Variants in EDA observed in about 807,000 individuals in gnomAD.
EDA encodes the protein ectodysplasin-A.
A neutral mutation model predicts 23.6 loss-of-function variants in EDA; 2 were observed. That is an observed-to-expected ratio of 0.08 (90% CI 0.03 to 0.27). The LOEUF is 0.27. EDA is among the 10% of genes least tolerant of loss of function. The pLI is 1.00. For missense variants in EDA, 229 were observed against 324.2 expected (o/e 0.71, Z 2.26); for synonymous variants, 131 against 132.0 (o/e 0.99, Z 0.05).
intron 1 of EDA, among the ~76,000 whole-genome samples, chrX:69,940,526 TA>T (rs758866428): frequency 9.0e-6 from 1 of 111,229 alleles, no homozygotes; most frequent in Non-Finnish European, 1.9e-5. Context: ...TATCTTTTGA[TA>T]AAAAAACTTT....
intron 1 of EDA, among the ~76,000 whole-genome samples, chrX:69,931,222 A>G (rs952020421): frequency 1.8e-5 from 2 of 112,106 alleles, no homozygotes; most frequent in Non-Finnish European, 3.8e-5. Context: ...ATGATCTGCA[A>G]CAAAAGTGTG....
chrX:69,963,384 T>C (rs768770464), intron 2 of EDA, among the ~76,000 whole-genome samples: 25 of 111,639 alleles, frequency 2.2e-4, no homozygotes, highest in Admixed American at 3.8e-4. Context: ...TAAAATCATT[T>C]TGAGAGCGAT....
chrX:69,831,572 C>G (rs2016611133), intron 1 of EDA, among the ~76,000 whole-genome samples: 1 of 112,303 alleles, frequency 8.9e-6, no homozygotes, highest in Non-Finnish European at 1.9e-5. Context: ...GGTATACACC[C>G]AGTAATGGGA....
At chrX:69,699,768 G>C (rs1160063497) in intron 1 of EDA, among the ~76,000 whole-genome samples, 2 of 110,573 alleles carry the variant, frequency 1.8e-5, no homozygotes, top group Non-Finnish European at 3.8e-5. Context: ...CGGGGGCTGA[G>C]AGCCTTACGG....
intron 1 of EDA, among the ~76,000 whole-genome samples, chrX:69,701,046 A>G (rs1381315120): frequency 3.6e-5 from 4 of 111,657 alleles, no homozygotes; most frequent in Non-Finnish European, 7.5e-5. Context: ...TTCCCACAAC[A>G]GAGACTTGGG....
At chrX:69,911,743 A>G (rs1447779187) in intron 1 of EDA, among the ~76,000 whole-genome samples, 1 of 112,377 alleles carries the variant, frequency 8.9e-6, no homozygotes, top group Non-Finnish European at 1.9e-5. Flanking sequence ...AACAAACTAC[A>G]TACCTTAACT....
chrX:69,653,232 G>T (rs775948965), intron 1 of EDA, among the ~76,000 whole-genome samples: 9 of 111,117 alleles, frequency 8.1e-5, no homozygotes, highest in South Asian at 3.8e-4. Flanking sequence ...TTATTCTCTT[G>T]GAAGCAATTG....
intron 1 of EDA, among the ~76,000 whole-genome samples, chrX:69,790,972 C>T (rs1336732122): frequency 9.0e-6 from 1 of 111,327 alleles, no homozygotes; most frequent in Non-Finnish European, 1.9e-5. Context: ...CATTTGAATA[C>T]AGTATTGCCT....
intron 1 of EDA, among the ~76,000 whole-genome samples, chrX:69,645,575 C>T (rs1435928617): frequency 3.2e-5 from 1 of 30,961 alleles, no homozygotes; most frequent in African/African-American, 2.3e-4. Flanking sequence ...TCTTAGTTCT[C>T]TAGTTCTTTT....
intron 1 of EDA, among the ~76,000 whole-genome samples, chrX:69,664,093 G>A (rs910057551): frequency 1.5e-4 from 17 of 111,899 alleles, no homozygotes; most frequent in African/African-American, 5.5e-4. Context: ...TTGAGTTAAT[G>A]CTGAAATGAG....
At chrX:69,634,184 C>T (rs761032392) in intron 1 of EDA, among the ~76,000 whole-genome samples, 1 of 112,402 alleles carries the variant, frequency 8.9e-6, no homozygotes, top group Admixed American at 9.4e-5. Context: ...ATCCTTTGTC[C>T]ATTTCTAAAT....
chrX:69,948,403 T>A (rs762979200), intron 1 of EDA, among the ~76,000 whole-genome samples: 1 of 111,676 alleles, frequency 9.0e-6, no homozygotes, highest in Non-Finnish European at 1.9e-5. Flanking sequence ...GTAATTTCAG[T>A]CATCCTCTGA....
chrX:69,621,030 G>A (rs1336281939), intron 1 of EDA: 2 of 289,054 alleles, frequency 6.9e-6, no homozygotes, highest in Non-Finnish European at 6.6e-6. Flanking sequence ...TAACCACGTG[G>A]TCAGTCTCCC....
At chrX:69,874,206 G>A (rs1360916524) in intron 1 of EDA, among the ~76,000 whole-genome samples, 1 of 111,066 alleles carries the variant, frequency 9.0e-6, no homozygotes, top group Non-Finnish European at 1.9e-5. Flanking sequence ...CAGCTACTCA[G>A]GAGGCTGAGG....
chrX:69,845,372 GA>G (rs2016986008), intron 1 of EDA, among the ~76,000 whole-genome samples: 2 of 111,773 alleles, frequency 1.8e-5, no homozygotes, highest in Non-Finnish European at 3.8e-5. Context: ...GGATTTTGTG[GA>G]TAGTTATTCT....
intron 2 of EDA, among the ~76,000 whole-genome samples, chrX:70,011,065 C>T (rs1042952255): frequency 1.8e-5 from 2 of 111,146 alleles, no homozygotes; most frequent in African/African-American, 6.6e-5. Flanking sequence ...TTTTTGGCTT[C>T]CACTTTTTCT....
chrX:69,821,496 G>A (rs1444631647), intron 1 of EDA, among the ~76,000 whole-genome samples: 1 of 112,076 alleles, frequency 8.9e-6, no homozygotes, highest in Non-Finnish European at 1.9e-5. Context: ...ATATATCTCA[G>A]ATTTCACAAC....
chrX:69,749,035 C>G (rs1400771945), intron 1 of EDA, among the ~76,000 whole-genome samples: 4 of 96,815 alleles, frequency 4.1e-5, no homozygotes, highest in Non-Finnish European at 8.3e-5. Context: ...TGCGCTGCAC[C>G]CACTAACTCG....
At chrX:69,727,159 A>C (rs1848161293) in intron 1 of EDA, among the ~76,000 whole-genome samples, 1 of 111,592 alleles carries the variant, frequency 9.0e-6, no homozygotes, top group Admixed American at 9.5e-5. Context: ...GGCTGTCCGC[A>C]GTGAACTCCT....
Sources: allele counts gnomAD v4.1 joint callset (sites outside exome capture counted in the v4.1 genomes callset), GRCh38; gene constraint gnomAD v4.1.1; transcripts MANE v1.5; gene names NCBI Gene and HGNC (gene_info 2026-07-23, HGNC 2026-07-21).